ZNF728: variants seen among roughly 807,000 people sequenced by gnomAD.
ZNF728 encodes zinc finger protein 728.
A neutral mutation model predicts 12.5 loss-of-function variants in ZNF728; 12 were observed. That is an observed-to-expected ratio of 0.96 (90% CI 0.61 to 1.55). The LOEUF (loss-of-function observed/expected upper bound fraction) is 1.55. Among genes scored for constraint, ZNF728 ranks in the 40% most tolerant of loss-of-function variants. The probability of loss-of-function intolerance (pLI) is 0.00; values close to 1 mark genes in which losing one functional copy is unlikely to be tolerated. For synonymous variants in ZNF728, 205 were observed against 240.7 expected, an observed-to-expected ratio of 0.85 and a Z score of 1.37; for missense variants, 692 against 719.2, an observed-to-expected ratio of 0.96 and a Z score of 0.43.
intron 3 of ZNF728, among the ~76,000 whole-genome samples, chr19:22,981,684 T>C (rs1354222228): frequency 6.6e-6 from 1 of 152,246 alleles, no homozygotes; most frequent in East Asian, 1.9e-4. Flanking sequence ...TCCACCACGA[T>C]CAAGTTGGCT....
At chr19:22,997,648 A>G (rs1184504189) in intron 1 of ZNF728, among the ~76,000 whole-genome samples, 2 of 152,072 alleles carry the variant, frequency 1.3e-5, no homozygotes, top group Non-Finnish European at 2.9e-5. Context: ...GCAAGAAGTA[A>G]CCAAAATCGG....
Position 22,978,030 on chromosome 19 carries a change from TAAA to T in ZNF728, c.227-923_227-921del, listed in dbSNP as rs375803072. On this transcript the variant is annotated intron_variant, in intron 3 of 3. Transcript: ENST00000594710. ...AACAAAAATATCTACATTGTGGTGATAAAAAATACAAAAAGAAATAACTGATTC... is the reference window on the plus strand; with the variant it reads ...AACAAAAATATCTACATTGTGGTGATAAATACAAAAAGAAATAACTGATTC... Among the ~76,000 whole-genome samples, 275 of 151,852 alleles carry T rather than the reference TAAA, an allele frequency of 1.8e-3. 2 individuals carry two copies. The highest frequency in any genetic ancestry group is 0.017 in the Middle Eastern group (5 of 294).
intron 3 of ZNF728, among the ~76,000 whole-genome samples, chr19:22,987,005 G>A (rs1225178036): frequency 1.3e-5 from 2 of 152,002 alleles, no homozygotes; most frequent in Non-Finnish European, 2.9e-5. Flanking sequence ...AAATATCTGT[G>A]TCCACAAAAA....
chr19:22,981,771 A>AT (rs1968863405), intron 3 of ZNF728, among the ~76,000 whole-genome samples: 1 of 152,210 alleles, frequency 6.6e-6, no homozygotes, highest in African/African-American at 2.4e-5. Flanking sequence ...GGAACCAATG[A>AT]TAAAAACCAC....
chr19:22,986,136 A>G (rs1013987204), intron 3 of ZNF728, among the ~76,000 whole-genome samples: 1 of 152,210 alleles, frequency 6.6e-6, no homozygotes, highest in Non-Finnish European at 1.5e-5. Flanking sequence ...GAGGCCCAAC[A>G]AAAGATTTTT....
At position 22,976,150 on chromosome 19, in the gene ZNF728, T is replaced by A. The variant is rs1321914334; in HGVS notation, c.1187A>T (p.Tyr396Phe). The change falls in exon 4 of 4, where the codon TAC becomes TTC. Residue 396 changes from tyrosine (Y) to phenylalanine (F), a missense_variant. Coordinates refer to ENST00000594710, the MANE Select transcript of ZNF728 (RefSeq NM_001267716.2). ...HKRIHAGDKPYKCEECGKTFK... is the reference protein window; with the variant it reads ...HKRIHAGDKPFKCEECGKTFK... ...GGTTTTGCCACATTCTTCACATTTG[T>A]AAGGTTTGTCTCCAGCATGAATTCT... is the stretch of plus-strand genomic sequence containing the variant. The A allele has an allele frequency of 6.2e-7, 1 of 1,613,118 alleles. No homozygotes were observed. The highest frequency in any genetic ancestry group is 1.1e-5 in the South Asian group (1 of 91,034).
chr19:22,987,259 C>T (rs753832122), intron 3 of ZNF728, 49 bp downstream of exon 3: 1 of 1,550,130 alleles, frequency 6.5e-7, no homozygotes, highest in South Asian at 1.3e-5. Flanking sequence ...TGGCTTTCTC[C>T]TTGACTTTGG....
intron 1 of ZNF728, among the ~76,000 whole-genome samples, chr19:22,998,097 G>C (rs750599178): frequency 1.1e-4 from 17 of 152,086 alleles, no homozygotes; most frequent in Non-Finnish European, 2.5e-4. Flanking sequence ...TCACAATTGG[G>C]TATATACCTA....
intron 3 of ZNF728, among the ~76,000 whole-genome samples, chr19:22,984,615 C>CACACAT (rs1455557678): frequency 7.4e-6 from 1 of 136,042 alleles, no homozygotes; most frequent in African/African-American, 2.9e-5. Flanking sequence ...CACACACACA[C>CACACAT]ATATACACAC....
At chr19:23,000,556 C>T (rs1008775566) in intron 1 of ZNF728, among the ~76,000 whole-genome samples, 11 of 151,844 alleles carry the variant, frequency 7.2e-5, no homozygotes, top group Admixed American at 5.9e-4. Flanking sequence ...TAATAAAATG[C>T]AATTTACAGT....
At chr19:22,992,075 G>C (rs561171782) in intron 1 of ZNF728, among the ~76,000 whole-genome samples, 3 of 152,056 alleles carry the variant, frequency 2.0e-5, no homozygotes, top group African/African-American at 7.2e-5. Flanking sequence ...TTCAGCTGTA[G>C]ACATCAGAAG....
chr19:22,977,445 T>G (rs1257464124), intron 3 of ZNF728, among the ~76,000 whole-genome samples: 2 of 149,136 alleles, frequency 1.3e-5, no homozygotes, highest in Non-Finnish European at 3.0e-5. Context: ...TCAACTTCTG[T>G]TTTTTTTTCT....
intron 1 of ZNF728, among the ~76,000 whole-genome samples, chr19:22,993,726 TAC>T (rs755426049): frequency 3.8e-4 from 58 of 152,196 alleles, no homozygotes; most frequent in Admixed American, 7.2e-4. Context: ...GGATATGGAA[TAC>T]AGTGTCCAGT....
chr19:22,982,682 G>C (rs1458793907), intron 3 of ZNF728, among the ~76,000 whole-genome samples: 1 of 151,936 alleles, frequency 6.6e-6, no homozygotes, highest in Non-Finnish European at 1.5e-5. Context: ...CAATGGAACA[G>C]AACAGAGGCC....
intron 3 of ZNF728, among the ~76,000 whole-genome samples, chr19:22,983,554 T>C (rs1468493337): frequency 1.3e-5 from 2 of 152,134 alleles, no homozygotes; most frequent in Non-Finnish European, 2.9e-5. Context: ...GACACATGCA[T>C]GCATACGTTT....
chr19:22,987,015 A>T (rs1397584742), intron 3 of ZNF728, among the ~76,000 whole-genome samples: 1 of 152,100 alleles, frequency 6.6e-6, no homozygotes, highest in African/African-American at 2.4e-5. Flanking sequence ...GTCCACAAAA[A>T]CAAAAACAAA....
At chr19:22,998,917 A>G (rs1969077713) in intron 1 of ZNF728, among the ~76,000 whole-genome samples, 1 of 152,178 alleles carries the variant, frequency 6.6e-6, no homozygotes, top group Non-Finnish European at 1.5e-5. Flanking sequence ...TTTCTCATTA[A>G]AAAAGCAGCT....
chr19:22,989,448 T>C (rs760992661), intron 1 of ZNF728, among the ~76,000 whole-genome samples: 4 of 152,150 alleles, frequency 2.6e-5, no homozygotes, highest in Non-Finnish European at 4.4e-5. Context: ...GCTGCCAGAT[T>C]AAATGTGTTG....
chr19:22,976,704 G>C lies in ZNF728; in HGVS notation c.633C>G (p.Asn211Lys), dbSNP rs775872825. The change falls in exon 4 of 4, where the codon AAC (asparagine) becomes AAG (lysine). Residue 211 changes from asparagine (N) to lysine (K), a missense_variant. Asn to Lys is a moderately conservative substitution (Grantham distance 94). Transcript: ENST00000594710. ...TCTTATAAGTAAGGGCTGAGGACCA[G>C]TTAAAGGCTTTGCCATGTTCTTCAC... ...YKSEEHGKAF[N>K]WSSALTYKRI... The C allele has an allele frequency of 3.1e-6, 5 of 1,613,068 alleles. No individual in the cohort carries two copies. The East Asian group carries it at 1.1e-4, about 36-fold the overall frequency.
Sources: gnomAD v4.1 joint callset for allele counts (sites outside exome capture counted in the v4.1 genomes callset) on GRCh38, gnomAD v4.1.1 for gene constraint, MANE v1.5 for transcripts, NCBI Gene and HGNC (gene_info 2026-07-23, HGNC 2026-07-21) for gene names.